Variants in ZFHX3 observed in about 807,000 individuals in gnomAD.
ZFHX3 encodes zinc finger homeobox protein 3.
In ZFHX3, 42 loss-of-function variants were observed where a neutral mutation model predicts 279.1. The observed-to-expected ratio is 0.15, with a 90% CI of 0.12 to 0.19. The LOEUF (loss-of-function observed/expected upper bound fraction) is 0.19, where lower values mean the gene tolerates loss of function less well. ZFHX3 is among the 10% of genes least tolerant of loss of function. ZFHX3 has a pLI of 1.00. For missense variants in ZFHX3, 4,981 were observed against 4,754.0 expected, an observed-to-expected ratio of 1.05 and a Z score of -1.40; for synonymous variants, 2,293 against 1,957.8, an observed-to-expected ratio of 1.17 and a Z score of -4.52.
chr16:73,413,377 G>A (rs1157307891), intron 3 of ZFHX3, among the ~76,000 whole-genome samples: 2 of 152,148 alleles, frequency 1.3e-5, no homozygotes, highest in South Asian at 2.1e-4. Context: ...GGAGGATGAG[G>A]CTGGAAGAGT....
intron 1 of ZFHX3, among the ~76,000 whole-genome samples, chr16:72,997,014 G>A (rs1030192697): frequency 4.6e-5 from 7 of 152,134 alleles, no homozygotes; most frequent in South Asian, 2.1e-4. Flanking sequence ...GGGCAGAAGC[G>A]CAAGATCCTG....
At chr16:73,580,512 A>AAACAAAC in intron 2 of ZFHX3, among the ~76,000 whole-genome samples, 1 of 122,832 alleles carries the variant, frequency 8.1e-6, no homozygotes, top group Non-Finnish European at 1.9e-5. Context: ...AACAAACAAA[A>AAACAAAC]AAAAAAAAAC....
At chr16:72,914,768 G>A (rs8045052) in intron 3 of ZFHX3, among the ~76,000 whole-genome samples, 41,680 of 152,038 alleles carry the variant, frequency 0.27, 5,943 homozygotes, top group Middle Eastern at 0.3. Flanking sequence ...AGGCAGGCAG[G>A]TCACTTGAGG....
At position 73,735,011 on chromosome 16, in the gene ZFHX3, A is replaced by C. The variant is rs2053597780; in HGVS notation, c.-1607-54771T>G. 2.0e-5 allele frequency among the ~76,000 whole-genome samples: 3 copies of C among 152,198 alleles called. No homozygotes were observed. In the South Asian group the frequency reaches 6.2e-4, roughly 32 times the overall value. ...TATAAAACTACCAATACAACAGACAACTTGAAGAATATATACAGATTTTAT... is the reference window on the plus strand; with the variant it reads ...TATAAAACTACCAATACAACAGACACCTTGAAGAATATATACAGATTTTAT... On this transcript the variant is annotated intron_variant, in intron 1 of 17. Transcript: ENST00000641206.
intron 1 of ZFHX3, among the ~76,000 whole-genome samples, chr16:73,776,990 G>C (rs1242802450): frequency 6.6e-6 from 1 of 152,128 alleles, no homozygotes; most frequent in Non-Finnish European, 1.5e-5. Flanking sequence ...GCAACATCCG[G>C]AGCTAGGATT....
intron 8 of ZFHX3, among the ~76,000 whole-genome samples, chr16:73,086,744 A>G (rs963664895): frequency 6.6e-6 from 1 of 152,098 alleles, no homozygotes; most frequent in Non-Finnish European, 1.5e-5. Context: ...CTGTACAAAA[A>G]ATACAAAAAT....
intron 3 of ZFHX3, among the ~76,000 whole-genome samples, chr16:73,439,555 C>T (rs575793251): frequency 6.6e-6 from 1 of 152,050 alleles, no homozygotes; most frequent in South Asian, 2.1e-4. Flanking sequence ...TCTTTCACTC[C>T]CTGTGTGATG....
At chr16:73,596,820 A>C (rs567141767) in intron 2 of ZFHX3, among the ~76,000 whole-genome samples, 21 of 152,334 alleles carry the variant, frequency 1.4e-4, no homozygotes, top group Admixed American at 1.3e-3. Context: ...GATCTGCTAT[A>C]GTCCTTAGTG....
chr16:73,370,035 G>A (rs760584280), intron 3 of ZFHX3, among the ~76,000 whole-genome samples: 9 of 152,184 alleles, frequency 5.9e-5, no homozygotes, highest in Non-Finnish European at 1.3e-4. Context: ...CAACTGTAAT[G>A]TCAAGGCCAA....
chr16:72,820,891 C>T (rs150628317), intron 5 of ZFHX3, among the ~76,000 whole-genome samples: 740 of 152,216 alleles, frequency 4.9e-3, no homozygotes, highest in Middle Eastern at 0.01. Context: ...TTCTAGGATC[C>T]GGCCAAAGTT....
At chr16:73,636,621 C>A (rs771922819) in intron 2 of ZFHX3, among the ~76,000 whole-genome samples, 1 of 151,816 alleles carries the variant, frequency 6.6e-6, no homozygotes, top group Non-Finnish European at 1.5e-5. Flanking sequence ...TTAGCAATAA[C>A]CAGTTCAAAA....
intron 5 of ZFHX3, among the ~76,000 whole-genome samples, chr16:73,222,787 C>T (rs113674616): frequency 0.017 from 2,627 of 152,104 alleles, 76 homozygotes; most frequent in African/African-American, 0.06. Flanking sequence ...AAGAAAAGAG[C>T]TGAAGGACAG....
intron 4 of ZFHX3, chr16:73,257,211 C>T (rs905577511): frequency 2.0e-5 from 3 of 152,192 alleles, no homozygotes; most frequent in African/African-American, 7.2e-5. Flanking sequence ...ATCAAAACAA[C>T]AGTACATGCT....
intron 4 of ZFHX3, among the ~76,000 whole-genome samples, chr16:73,260,036 T>A (rs2013774983): frequency 6.6e-6 from 1 of 152,222 alleles, no homozygotes; most frequent in African/African-American, 2.4e-5. Context: ...TTGTACTGAG[T>A]TGTCAAGTCT....
At chr16:73,612,974 A>G (rs1330526624) in intron 2 of ZFHX3, among the ~76,000 whole-genome samples, 2 of 152,230 alleles carry the variant, frequency 1.3e-5, no homozygotes, top group African/African-American at 4.8e-5. Context: ...CATATACTTT[A>G]TTATTCATTC....
At chr16:73,464,077 T>C (rs1306437547) in intron 2 of ZFHX3, among the ~76,000 whole-genome samples, 1 of 152,008 alleles carries the variant, frequency 6.6e-6, no homozygotes, top group African/African-American at 2.4e-5. Context: ...TATTTCTGTA[T>C]TTTTTTTCTC....
At chr16:73,212,462 C>T (rs780781785) in intron 5 of ZFHX3, among the ~76,000 whole-genome samples, 1 of 152,158 alleles carries the variant, frequency 6.6e-6, no homozygotes, top group Non-Finnish European at 1.5e-5. Flanking sequence ...CCAGTTTATC[C>T]ATTGCATTCT....
intron 2 of ZFHX3, among the ~76,000 whole-genome samples, chr16:73,457,800 A>G (rs1226339973): frequency 1.3e-5 from 2 of 152,126 alleles, no homozygotes; most frequent in Admixed American, 1.3e-4. Flanking sequence ...ATAAAATAAA[A>G]ATGAGAGAGT....
chr16:73,415,265 G>C (rs960886684), intron 3 of ZFHX3, among the ~76,000 whole-genome samples: 3 of 152,152 alleles, frequency 2.0e-5, no homozygotes, highest in Non-Finnish European at 4.4e-5. Context: ...AACAGACTTG[G>C]CTTATAAGAC....
Sources: allele counts gnomAD v4.1 joint callset (sites outside exome capture counted in the v4.1 genomes callset), GRCh38; gene constraint gnomAD v4.1.1; transcripts MANE v1.5; gene names NCBI Gene and HGNC (gene_info 2026-07-23, HGNC 2026-07-21).